Variants in AOPEP observed in about 807,000 individuals in gnomAD.
The protein encoded by AOPEP is aminopeptidase O.
A neutral mutation model predicts 98.1 loss-of-function variants in AOPEP; 77 were observed. The ratio of observed to expected loss-of-function variants is 0.78; its 90% CI spans 0.65 to 0.95. AOPEP has a LOEUF of 0.95. AOPEP is among the 40% of genes least tolerant of loss of function. AOPEP has a pLI of 0.00. For missense variants in AOPEP, 1,024 were observed against 1,024.7 expected (o/e 1.00, Z 0.01); for synonymous variants, 346 against 365.3 (o/e 0.95, Z 0.60).
At chr9:95,073,962 C>T (rs1418882428) in intron 14 of AOPEP, among the ~76,000 whole-genome samples, 1 of 152,214 alleles carries the variant, frequency 6.6e-6, no homozygotes, top group Non-Finnish European at 1.5e-5. Context: ...ATATGTTCTA[C>T]ATATACACAT....
chr9:95,039,497 C>T (rs1360539411), intron 13 of AOPEP, among the ~76,000 whole-genome samples: 1 of 152,116 alleles, frequency 6.6e-6, no homozygotes, highest in African/African-American at 2.4e-5. Flanking sequence ...ACCGGAGCCC[C>T]AAGAGGTCCA....
chr9:95,102,638 G>A, the AOPEP span, among the ~76,000 whole-genome samples: 1 of 152,212 alleles, frequency 6.6e-6, no homozygotes, highest in Admixed American at 6.5e-5. Context: ...GCTTCCTCTG[G>A]AAGGGTTGGG....
rs375041822 is a variant in AOPEP, at chr9:94,957,275, G to A, written c.1872+1260G>A. Among the ~76,000 whole-genome samples the A allele has an allele frequency of 6.6e-5, 10 of 152,170 alleles. No homozygotes were observed. The South Asian group carries it at 8.3e-4, about 13-fold the overall frequency. On this transcript the variant is annotated intron_variant, in intron 9 of 16. Transcript: ENST00000375315. Reference sequence around the variant, plus strand: ...TAGGCTGGAGTGCAGTGGTGCGATCGCGGCTCACTGCAACCTCCACCTCCC... The same window carrying A: ...TAGGCTGGAGTGCAGTGGTGCGATCACGGCTCACTGCAACCTCCACCTCCC...
intron 2 of AOPEP, among the ~76,000 whole-genome samples, chr9:94,763,732 G>C (rs948123019): frequency 1.3e-5 from 2 of 152,156 alleles, no homozygotes; most frequent in Non-Finnish European, 2.9e-5. Context: ...CACAGCGATG[G>C]GGGTATGCCA....
chr9:95,085,660 C>G (rs901257601), intron 16 of AOPEP: 5 of 360,044 alleles, frequency 1.4e-5, no homozygotes, highest in Non-Finnish European at 2.7e-5. Context: ...ACCACTTGAC[C>G]CCAAGGATGC....
the AOPEP span, among the ~76,000 whole-genome samples, chr9:95,116,728 C>G: frequency 1.3e-5 from 2 of 152,182 alleles, no homozygotes; most frequent in Non-Finnish European, 2.9e-5. Context: ...ATTCCTGGAT[C>G]AACACCAGTC....
chr9:95,052,051 G>T (rs1195294105), intron 13 of AOPEP, among the ~76,000 whole-genome samples: 1 of 152,204 alleles, frequency 6.6e-6, no homozygotes, highest in African/African-American at 2.4e-5. Context: ...ATATGTTCTA[G>T]TTGAGGAATG....
At chr9:94,934,187 C>T (rs1043661766) in intron 7 of AOPEP, among the ~76,000 whole-genome samples, 2 of 152,160 alleles carry the variant, frequency 1.3e-5, no homozygotes, top group African/African-American at 4.8e-5. Context: ...GCCCAGTGCA[C>T]CAGCTACCTG....
chr9:95,117,486 C>T, the AOPEP span: 2 of 902,476 alleles, frequency 2.2e-6, no homozygotes, highest in Admixed American at 4.0e-5. Flanking sequence ...AAAAAAGACC[C>T]ACCAGTACTA....
At chr9:95,122,583 A>T in the AOPEP span, among the ~76,000 whole-genome samples, 11 of 152,314 alleles carry the variant, frequency 7.2e-5, no homozygotes, top group South Asian at 2.1e-3. Flanking sequence ...GTGTGGTCCC[A>T]CGTCCTTAGA....
At chr9:95,058,477 T>C (rs2067025701) in intron 13 of AOPEP, among the ~76,000 whole-genome samples, 1 of 152,174 alleles carries the variant, frequency 6.6e-6, no homozygotes, top group Admixed American at 6.5e-5. Flanking sequence ...GTTTAGGGGC[T>C]GGTGGTGCCG....
chr9:94,941,465 T>C (rs1338279981), intron 7 of AOPEP, among the ~76,000 whole-genome samples: 1 of 152,226 alleles, frequency 6.6e-6, no homozygotes, highest in Admixed American at 6.5e-5. Flanking sequence ...CTGTTCTTGA[T>C]GGGAGGATGC....
intron 5 of AOPEP, among the ~76,000 whole-genome samples, chr9:94,845,765 A>G (rs556839554): frequency 6.6e-6 from 1 of 152,180 alleles, no homozygotes; most frequent in African/African-American, 2.4e-5. Context: ...GGGAAGAATA[A>G]GGTTGTAGGA....
chr9:94,937,294 A>T (rs957391909), intron 7 of AOPEP, among the ~76,000 whole-genome samples: 2 of 152,250 alleles, frequency 1.3e-5, no homozygotes, highest in Non-Finnish European at 2.9e-5. Context: ...GACAAAAACC[A>T]AATATACACT....
intron 7 of AOPEP, among the ~76,000 whole-genome samples, chr9:94,947,145 T>A (rs2057726057): frequency 6.7e-6 from 1 of 148,658 alleles, no homozygotes; most frequent in Non-Finnish European, 1.5e-5. Flanking sequence ...CCCGGCTAAT[T>A]TTTTTTTTTG....
At chr9:94,901,419 C>T (rs553706003) in intron 5 of AOPEP, among the ~76,000 whole-genome samples, 1 of 151,924 alleles carries the variant, frequency 6.6e-6, no homozygotes, top group East Asian at 1.9e-4. Flanking sequence ...CCTTAAGTCC[C>T]TGACACCTAG....
At chr9:95,109,586 G>C in the AOPEP span, 2 of 152,176 alleles carry the variant, frequency 1.3e-5, no homozygotes, top group African/African-American at 4.8e-5. Context: ...GGTGGAAAGG[G>C]TGGCTTGCCC....
the AOPEP span, chr9:95,114,548 G>T: frequency 8.0e-7 from 1 of 1,250,898 alleles, no homozygotes; most frequent in Non-Finnish European, 1.2e-6. Context: ...GCCTTCCTCT[G>T]TCAGCCCTGC....
chr9:94,785,946 T>C (rs901791180), intron 3 of AOPEP, among the ~76,000 whole-genome samples: 10 of 152,238 alleles, frequency 6.6e-5, no homozygotes, highest in Admixed American at 1.3e-4. Flanking sequence ...AATGGATCGC[T>C]TTGTGTGGAC....
Sources: gnomAD v4.1 joint callset for allele counts (sites outside exome capture counted in the v4.1 genomes callset) on GRCh38, gnomAD v4.1.1 for gene constraint, MANE v1.5 for transcripts, NCBI Gene and HGNC (gene_info 2026-07-23, HGNC 2026-07-21) for gene names.